PDE4B: variants seen among roughly 807,000 people sequenced by gnomAD.
PDE4B encodes 3',5'-cyclic-AMP phosphodiesterase 4B.
PDE4B carries 20 observed loss-of-function variants against 82.2 expected under a neutral mutation model. The ratio of observed to expected loss-of-function variants is 0.24; its 90% CI spans 0.17 to 0.35. The LOEUF is 0.35. Among genes scored for constraint, PDE4B ranks in the 10% least tolerant of loss-of-function variants. The pLI is 1.00. For missense variants in PDE4B, 655 were observed against 907.2 expected, an observed-to-expected ratio of 0.72 and a Z score of 3.57; for synonymous variants, 320 against 318.9, an observed-to-expected ratio of 1.00 and a Z score of -0.04.
intron 3 of PDE4B, among the ~76,000 whole-genome samples, chr1:66,018,748 G>A (rs1189413953): frequency 2.0e-5 from 3 of 152,150 alleles, no homozygotes; most frequent in Admixed American, 6.5e-5. Context: ...ACAATCTTAA[G>A]TTAGTGGCGT....
At chr1:65,837,535 G>A (rs1416926765) in intron 1 of PDE4B, among the ~76,000 whole-genome samples, 1 of 152,210 alleles carries the variant, frequency 6.6e-6, no homozygotes, top group Non-Finnish European at 1.5e-5. Context: ...TTGAACCTGG[G>A]AGGTGGAGGT....
intron 7 of PDE4B, among the ~76,000 whole-genome samples, chr1:66,282,164 T>A (rs755380209): frequency 6.6e-6 from 1 of 152,218 alleles, no homozygotes; most frequent in East Asian, 1.9e-4. Context: ...ACATTTAATC[T>A]GTTTTTTTTT....
intron 3 of PDE4B, among the ~76,000 whole-genome samples, chr1:65,925,625 C>T (rs1647456810): frequency 6.6e-6 from 1 of 152,074 alleles, no homozygotes; most frequent in Admixed American, 6.5e-5. Context: ...TAATATTTTG[C>T]ATTTGACTTA....
intron 9 of PDE4B, 118 bp downstream of exon 9, chr1:66,355,738 C>A (rs1662185606): frequency 4.4e-5 from 23 of 520,320 alleles, no homozygotes; most frequent in South Asian, 3.1e-4. Flanking sequence ...TAGAAAAATC[C>A]ATTTAAAATA....
intron 3 of PDE4B, among the ~76,000 whole-genome samples, chr1:66,216,664 A>G (rs1049035625): frequency 6.6e-6 from 1 of 152,188 alleles, no homozygotes; most frequent in African/African-American, 2.4e-5. Context: ...AAAGTGTCTC[A>G]AAGCATAGTC....
chr1:66,159,408 T>A (rs1646565145), intron 3 of PDE4B, among the ~76,000 whole-genome samples: 1 of 151,316 alleles, frequency 6.6e-6, no homozygotes, highest in Non-Finnish European at 1.5e-5. Flanking sequence ...CCCAGCTATT[T>A]TTTTTTTTTT....
At position 66,372,793 on chromosome 1, in the gene PDE4B, T is replaced by G; in HGVS notation, c.*115T>G. 2 of 1,040,132 alleles carry G rather than the reference T, an allele frequency of 1.9e-6. No individual in the cohort carries two copies. The highest frequency in any genetic ancestry group is 2.8e-6 in the Non-Finnish European group (2 of 718,018). The allele number at this position is 1,040,132 out of a possible 1,614,324, so 64.4% of individuals were successfully genotyped here. A position where few individuals can be genotyped will look rare whatever the true frequency, so the allele number is the denominator to read the frequency against. The stretch of plus-strand genomic sequence containing the variant: ...GCACAGGACAAGGGCCACCTGGCCT[T>G]TCAGTTACTTGAGTTTGGAGTCAGA... On this transcript the variant is annotated 3_prime_UTR_variant, in exon 17 of 17. Transcript: ENST00000341517.
chr1:65,891,711 T>C (rs767725377), intron 1 of PDE4B, among the ~76,000 whole-genome samples: 6 of 152,118 alleles, frequency 3.9e-5, no homozygotes, highest in African/African-American at 9.6e-5. Flanking sequence ...TGCTTTTTTA[T>C]TTAATGAAAA....
In PDE4B at chr1:66,172,404, A is replaced by G. The variant is rs139391669; in HGVS notation, c.282-75056A>G. 7.1e-3 allele frequency among the ~76,000 whole-genome samples: 1,088 copies of G among 152,332 alleles called. 5 individuals carry two copies. Among genetic ancestry groups the G allele is most frequent in the Middle Eastern group, 0.017 (5 of 294 alleles). The stretch of plus-strand genomic sequence containing the variant: ...CTTTGCTATTGTGAATAGTGCTGTG[A>G]TGAACATATGAATGGATGTGTCTTT... On this transcript the variant is annotated intron_variant, in intron 3 of 16. Transcript: ENST00000341517.
chr1:66,146,671 G>C (rs1646280032), intron 3 of PDE4B, among the ~76,000 whole-genome samples: 1 of 152,100 alleles, frequency 6.6e-6, no homozygotes. Context: ...ATAGATATTT[G>C]AAATGTGTCC....
chr1:66,299,572 A>C (rs1489974911), intron 7 of PDE4B, among the ~76,000 whole-genome samples: 1 of 152,192 alleles, frequency 6.6e-6, no homozygotes, highest in African/African-American at 2.4e-5. Flanking sequence ...TCCCTTGGAT[A>C]AATACCCAGT....
At chr1:65,976,847 G>A (rs1557471625) in intron 3 of PDE4B, among the ~76,000 whole-genome samples, 1 of 152,194 alleles carries the variant, frequency 6.6e-6, no homozygotes, top group Non-Finnish European at 1.5e-5. Context: ...CTGCAGAACT[G>A]TGAGTCAATT....
chr1:65,877,896 A>G (rs1325396999), intron 1 of PDE4B, among the ~76,000 whole-genome samples: 1 of 152,132 alleles, frequency 6.6e-6, no homozygotes, highest in African/African-American at 2.4e-5. Context: ...GCATCTAATT[A>G]AACTAAAGAG....
At chr1:65,803,159 G>T (rs990918730) in intron 1 of PDE4B, among the ~76,000 whole-genome samples, 2 of 152,030 alleles carry the variant, frequency 1.3e-5, no homozygotes, top group African/African-American at 4.8e-5. Flanking sequence ...CATAATTGAA[G>T]GTTTATTCTC....
At chr1:65,879,878 C>A (rs750840066) in intron 1 of PDE4B, among the ~76,000 whole-genome samples, 4 of 152,190 alleles carry the variant, frequency 2.6e-5, no homozygotes, top group Non-Finnish European at 4.4e-5. Context: ...TCATTGTTTG[C>A]ACAGACCAGC....
At chr1:66,303,325 T>C (rs1370521526) in intron 7 of PDE4B, among the ~76,000 whole-genome samples, 1 of 143,766 alleles carries the variant, frequency 7.0e-6, no homozygotes, top group Non-Finnish European at 1.5e-5. Flanking sequence ...GTGTATAGCA[T>C]GATGTTTATA....
intron 7 of PDE4B, among the ~76,000 whole-genome samples, chr1:66,268,858 C>G (rs1411397066): frequency 4.6e-5 from 7 of 151,744 alleles, no homozygotes; most frequent in Admixed American, 4.6e-4. Flanking sequence ...GCTATGGCAA[C>G]AATTTAATTC....
intron 7 of PDE4B, among the ~76,000 whole-genome samples, chr1:66,294,632 AAGTTTTT>A (rs1282450386): frequency 1.3e-5 from 2 of 152,196 alleles, no homozygotes; most frequent in African/African-American, 4.8e-5. Context: ...AATAAATCTT[AAGTTTTT>A]TTCTTGTCTA....
chr1:65,935,868 C>T (rs1293639927), intron 3 of PDE4B, among the ~76,000 whole-genome samples: 2 of 151,528 alleles, frequency 1.3e-5, no homozygotes, highest in Admixed American at 6.6e-5. Context: ...ACCTGGGAGG[C>T]GGAGGTTGCG....
Sources: gnomAD v4.1 joint callset for allele counts (sites outside exome capture counted in the v4.1 genomes callset) on GRCh38, gnomAD v4.1.1 for gene constraint, MANE v1.5 for transcripts, NCBI Gene and HGNC (gene_info 2026-07-23, HGNC 2026-07-21) for gene names.